PRKD2: variants seen among roughly 807,000 people sequenced by gnomAD.
PRKD2 encodes the protein serine/threonine-protein kinase D2.
In PRKD2, 22 loss-of-function variants were observed where a neutral mutation model predicts 86.0. The observed-to-expected ratio is 0.26, with a 90% CI of 0.18 to 0.37. PRKD2 has a LOEUF of 0.37. PRKD2 is among the 10% of genes least tolerant of loss of function. The pLI, the probability that PRKD2 is intolerant of heterozygous loss-of-function variation, is 1.00. For synonymous variants in PRKD2, 509 were observed against 510.9 expected, an observed-to-expected ratio of 1.00 and a Z score of 0.05; for missense variants, 818 against 1,199.2, an observed-to-expected ratio of 0.68 and a Z score of 4.70.
intron 9 of PRKD2, among the ~76,000 whole-genome samples, chr19:46,695,195 TAAATAAA>T (rs1428233702): frequency 1.6e-4 from 23 of 145,322 alleles, no homozygotes; most frequent in African/African-American, 5.9e-4. Flanking sequence ...TGTCTCAAAA[TAAATAAA>T]TGGGCTGGGC....
chr19:46,677,511 C>T (rs1210168382), intron 16 of PRKD2: 1 of 152,440 alleles, frequency 6.6e-6, no homozygotes, highest in Non-Finnish European at 1.5e-5. Context: ...GTCCCTTGTT[C>T]TCCTGGCTTC....
Position 46,697,213 on chromosome 19 carries a change from G to A in PRKD2, c.1261C>T (p.Leu421=), listed in dbSNP as rs754906991. ...DTLRKRHYWR[L]DCKCITLFQN... ...AAGAGCGTGATACACTTGCAGTCCA[G>A]GCGCCAATAGTGCCGCTTTCTCTGC... is the stretch of plus-strand genomic sequence containing the variant. Residue 421 remains leucine (L), a synonymous_variant, in exon 9 of 18, where the codon CTG becomes TTG. Coordinates refer to ENST00000291281, the MANE Select transcript of PRKD2 (RefSeq NM_016457.5). The A allele has an allele frequency of 3.1e-5, 49 of 1,597,216 alleles. No homozygotes were observed. The highest frequency in any genetic ancestry group is 4.2e-5 in the Non-Finnish European group (49 of 1,165,088).
chr19:46,676,198 G>A (rs889106860), intron 16 of PRKD2, among the ~76,000 whole-genome samples: 1 of 152,172 alleles, frequency 6.6e-6, no homozygotes, highest in Non-Finnish European at 1.5e-5. Flanking sequence ...GGAGGCCGAG[G>A]CGGGTGGATC....
At chr19:46,714,360 A>C in intron 1 of PRKD2, 1 of 950,572 alleles carries the variant, frequency 1.1e-6, no homozygotes, top group Non-Finnish European at 1.3e-6. Context: ...AGGCTCACAC[A>C]CCCGCCCCCC....
intron 11 of PRKD2, 28 bp downstream of exon 11, chr19:46,691,905 G>A (rs1489581196): frequency 1.9e-6 from 3 of 1,612,646 alleles, no homozygotes; most frequent in Non-Finnish European, 2.5e-6. Flanking sequence ...TGGGAGGGGA[G>A]GGCATCAGGT....
intron 14 of PRKD2, among the ~76,000 whole-genome samples, chr19:46,688,439 A>T (rs200803465): frequency 0.15 from 19,919 of 133,324 alleles, 1,666 homozygotes; most frequent in East Asian, 0.19. Context: ...TATTATTATT[A>T]TTATTTTTTT....
rs1202874784 is a variant in PRKD2 at position 46,694,089 on chromosome 19, G to C, written c.1362C>G (p.Asn454Lys). 1.2e-6 allele frequency: 2 copies of C among 1,614,052 alleles called. No individual in the cohort carries two copies. Among genetic ancestry groups the C allele is most frequent in the African/African-American group, 2.7e-5 (2 of 74,930 alleles). ...SEILTVESAQ[N>K]FSLVPPGTNP... ...TGGTGCCCGGCGGCACAAGGCTGAA[G>C]TTCTGGGCGGACTCCACCGTGAGGA... Residue 454 changes from asparagine (N) to lysine (K), a missense_variant, in exon 10 of 18, where the codon AAC becomes AAG. Physicochemically the swap from Asn to Lys is moderately conservative, Grantham distance 94. Coordinates refer to ENST00000291281, the MANE Select transcript of PRKD2 (RefSeq NM_016457.5).
chr19:46,691,711 G>A lies in PRKD2; in HGVS notation c.1702+24C>T, dbSNP rs201325837. 99 of 1,611,218 alleles carry A rather than the reference G, an allele frequency of 6.1e-5. No individual in the cohort carries two copies. The South Asian group carries it at 1.1e-3, about 17-fold the overall frequency. ...CTTCCCCCAGCCCGGGGCTCCCTCTGGGTTAGCTCTGAAGTGTCCTCACCT... is the reference window on the plus strand; with the variant it reads ...CTTCCCCCAGCCCGGGGCTCCCTCTAGGTTAGCTCTGAAGTGTCCTCACCT... On this transcript the variant is annotated intron_variant, in intron 12 of 17. Transcript: ENST00000291281.
intron 14 of PRKD2, 149 bp downstream of exon 14, chr19:46,689,388 G>A: frequency 2.1e-6 from 2 of 947,342 alleles, no homozygotes; most frequent in South Asian, 1.7e-5. Flanking sequence ...GATTACGGGT[G>A]TGAGCCACTG....
At chr19:46,703,820 T>C (rs1021965187) in intron 5 of PRKD2, among the ~76,000 whole-genome samples, 14 of 150,838 alleles carry the variant, frequency 9.3e-5, no homozygotes, top group South Asian at 2.1e-4. Context: ...TGGCACCACC[T>C]GTAGTCCTAG....
intron 1 of PRKD2, among the ~76,000 whole-genome samples, chr19:46,715,750 G>A (rs1412924493): frequency 6.6e-6 from 1 of 151,842 alleles, no homozygotes; most frequent in Non-Finnish European, 1.5e-5. Flanking sequence ...TGGCCAGCCC[G>A]GGTTCAATTT....
At chr19:46,691,664 G>C (rs78129665) in intron 12 of PRKD2, 71 bp downstream of exon 12, 2 of 1,482,782 alleles carry the variant, frequency 1.3e-6, no homozygotes, top group East Asian at 4.5e-5. Context: ...GAGCCAGAAA[G>C]AAAGGGCTGG....
chr19:46,715,968 T>G (rs2053876048), intron 1 of PRKD2, among the ~76,000 whole-genome samples, 163 bp downstream of exon 1: 1 of 152,098 alleles, frequency 6.6e-6, no homozygotes, highest in Non-Finnish European at 1.5e-5. Context: ...AAAGGGATGG[T>G]GGGGAGAGGG....
intron 14 of PRKD2, among the ~76,000 whole-genome samples, chr19:46,684,424 C>A (rs1190437157): frequency 6.6e-6 from 1 of 152,080 alleles, no homozygotes; most frequent in African/African-American, 2.4e-5. Flanking sequence ...CAGGTTCAAG[C>A]AATTCTTGTG....
At chr19:46,708,508 G>A (rs965101973) in intron 3 of PRKD2, among the ~76,000 whole-genome samples, 8 of 151,500 alleles carry the variant, frequency 5.3e-5, no homozygotes, top group Admixed American at 4.6e-4. Context: ...TTAGAGACGG[G>A]GTTTCACCAT....
At chr19:46,691,879 A>T (rs1182517195) in intron 11 of PRKD2, 54 bp downstream of exon 11, 2 of 1,610,648 alleles carry the variant, frequency 1.2e-6, no homozygotes, top group African/African-American at 2.7e-5. Flanking sequence ...GAGACGAGAG[A>T]GCTGAGGAGG....
rs113389030 is a variant in PRKD2, at chr19:46,712,468, G to T, written c.379+1395C>A. Reference sequence around the variant, plus strand: ...AGGCAGGAGAATCGCTTGAACCCAGGAGGCAGAGGTTGCAGCAAGCTGAGT... The same window carrying T: ...AGGCAGGAGAATCGCTTGAACCCAGTAGGCAGAGGTTGCAGCAAGCTGAGT... On this transcript the variant is annotated intron_variant, in intron 2 of 17. Coordinates refer to ENST00000291281, the MANE Select transcript of PRKD2 (RefSeq NM_016457.5). Among the ~76,000 whole-genome samples the T allele has an allele frequency of 1.6e-3, 245 of 152,100 alleles. 1 individual carries two copies. Among genetic ancestry groups the T allele is most frequent in the African/African-American group, 5.2e-3 (217 of 41,470 alleles).
At position 46,701,122 on chromosome 19, in the gene PRKD2, C is replaced by G; in HGVS notation, c.890-10G>C. On this transcript the variant is annotated splice_polypyrimidine_tract_variant and intron_variant, in intron 5 of 17. Transcript: ENST00000291281. ...CAGTTAAACTTGCAGTCTGGTAGGACAGGGAACAAGGGAACGGGTGAGAAG... is the reference window on the plus strand; with the variant it reads ...CAGTTAAACTTGCAGTCTGGTAGGAGAGGGAACAAGGGAACGGGTGAGAAG... The G allele has an allele frequency of 6.2e-7, 1 of 1,613,792 alleles. No individual in the cohort carries two copies. Among genetic ancestry groups the G allele is most frequent in the Non-Finnish European group, 8.5e-7 (1 of 1,179,720 alleles).
chr19:46,705,106 C>T (rs1248119405), intron 3 of PRKD2, among the ~76,000 whole-genome samples: 2 of 151,902 alleles, frequency 1.3e-5, no homozygotes, highest in Admixed American at 1.3e-4. Flanking sequence ...CAGCTTGTAG[C>T]CCCGACATCA....
Sources: gnomAD v4.1 joint callset for allele counts (sites outside exome capture counted in the v4.1 genomes callset) on GRCh38, gnomAD v4.1.1 for gene constraint, MANE v1.5 for transcripts, NCBI Gene and HGNC (gene_info 2026-07-23, HGNC 2026-07-21) for gene names.